DGKI: variants seen among roughly 807,000 people sequenced by gnomAD.
DGKI encodes the protein DAG kinase iota.
In DGKI, 55 loss-of-function variants were observed where a neutral mutation model predicts 147.5. The observed-to-expected ratio is 0.37, with a 90% confidence interval of 0.30 to 0.47. DGKI has a LOEUF of 0.47. DGKI is among the 20% of genes least tolerant of loss of function. The pLI, the probability that DGKI is intolerant of heterozygous loss-of-function variation, is 1.00. For synonymous variants in DGKI, 469 were observed against 477.1 expected (o/e 0.98, Z 0.22); for missense variants, 1,007 against 1,323.8 (o/e 0.76, Z 3.71).
intron 6 of DGKI, among the ~76,000 whole-genome samples, chr7:137,641,756 A>G (rs367608887): frequency 3.9e-5 from 6 of 152,206 alleles, no homozygotes; most frequent in East Asian, 3.8e-4. Flanking sequence ...GATGTTGGAA[A>G]TTTTTAAATT....
intron 20 of DGKI, among the ~76,000 whole-genome samples, chr7:137,541,218 A>G (rs1817691039): frequency 1.3e-5 from 2 of 152,212 alleles, no homozygotes; most frequent in Non-Finnish European, 2.9e-5. Flanking sequence ...AATAGAGTCT[A>G]CACTGGATCT....
intron 1 of DGKI, among the ~76,000 whole-genome samples, chr7:137,776,012 C>T (rs1000365132): frequency 6.6e-6 from 1 of 152,086 alleles, no homozygotes; most frequent in African/African-American, 2.4e-5. Context: ...GCATGTGCCA[C>T]CATGCTTAGC....
chr7:137,696,274 T>C (rs192892929), intron 1 of DGKI, among the ~76,000 whole-genome samples: 1 of 152,240 alleles, frequency 6.6e-6, no homozygotes, highest in Non-Finnish European at 1.5e-5. Context: ...ATCATTCTTC[T>C]TCCCTGCCTA....
At chr7:137,682,090 A>C (rs1252180594) in intron 2 of DGKI, among the ~76,000 whole-genome samples, 1 of 152,198 alleles carries the variant, frequency 6.6e-6, no homozygotes, top group Non-Finnish European at 1.5e-5. Flanking sequence ...TGTGAGTATT[A>C]ACAGCTTTCA....
At chr7:137,705,320 A>T (rs962845793) in intron 1 of DGKI, among the ~76,000 whole-genome samples, 1 of 152,098 alleles carries the variant, frequency 6.6e-6, no homozygotes, top group Non-Finnish European at 1.5e-5. Context: ...AAACAATTCA[A>T]CTGTCCAGCA....
At chr7:137,737,156 A>C (rs1476140867) in intron 1 of DGKI, among the ~76,000 whole-genome samples, 1 of 151,244 alleles carries the variant, frequency 6.6e-6, no homozygotes, top group Non-Finnish European at 1.5e-5. Context: ...CATACTCACT[A>C]AATGGTATTA....
chr7:137,510,413 G>A (rs540042813), intron 21 of DGKI, among the ~76,000 whole-genome samples: 6 of 152,274 alleles, frequency 3.9e-5, no homozygotes, highest in South Asian at 2.1e-4. Flanking sequence ...ATGAATATTC[G>A]TAAAATTCTT....
intron 8 of DGKI, among the ~76,000 whole-genome samples, chr7:137,617,111 G>A (rs1820557879): frequency 9.6e-6 from 1 of 103,954 alleles, no homozygotes; most frequent in Admixed American, 1.5e-4. Flanking sequence ...TACTGCCAGT[G>A]TATCCCTTTT....
intron 6 of DGKI, among the ~76,000 whole-genome samples, chr7:137,629,181 C>T (rs1271446100): frequency 6.6e-6 from 1 of 151,312 alleles, no homozygotes; most frequent in East Asian, 1.9e-4. Context: ...TCTTAAAACA[C>T]AGAACTCCAA....
rs142241741 is a variant in DGKI, at chr7:137,829,272, G to A, written c.401+17190C>T. On this transcript the variant is annotated intron_variant, in intron 1 of 32. Transcript: ENST00000614521. ...GAACATAGGACAGTAAGGATGATGCGGAACACCAAAGAGGACTCTCCCCAC... is the reference window on the plus strand; with the variant it reads ...GAACATAGGACAGTAAGGATGATGCAGAACACCAAAGAGGACTCTCCCCAC... Among the ~76,000 whole-genome samples the A allele has an allele frequency of 4.6e-3, 707 of 152,266 alleles. 5 individuals carry two copies. The highest frequency in any genetic ancestry group is 0.016 in the African/African-American group (672 of 41,572).
chr7:137,635,717 A>G (rs1419013979), intron 6 of DGKI, among the ~76,000 whole-genome samples: 1 of 152,166 alleles, frequency 6.6e-6, no homozygotes, highest in African/African-American at 2.4e-5. Flanking sequence ...ATATCCTATG[A>G]GCACCATCCA....
chr7:137,582,978 T>G (rs1483980107), intron 14 of DGKI, among the ~76,000 whole-genome samples: 1 of 152,136 alleles, frequency 6.6e-6, no homozygotes, highest in East Asian at 1.9e-4. Context: ...GTTTTAACCC[T>G]CAAGATTTCA....
chr7:137,454,113 CAG>C (rs1365203052), intron 27 of DGKI, among the ~76,000 whole-genome samples: 3 of 152,076 alleles, frequency 2.0e-5, no homozygotes, highest in South Asian at 2.1e-4. Context: ...AAAAAATGCA[CAG>C]AGAGTGCATA....
At chr7:137,814,057 A>G (rs985238375) in intron 1 of DGKI, among the ~76,000 whole-genome samples, 1 of 152,190 alleles carries the variant, frequency 6.6e-6, no homozygotes, top group Non-Finnish European at 1.5e-5. Flanking sequence ...GCCTCTATCG[A>G]TCAATGGTTT....
intron 7 of DGKI, among the ~76,000 whole-genome samples, chr7:137,621,642 G>A (rs762337414): frequency 4.4e-4 from 67 of 152,202 alleles, no homozygotes; most frequent in Non-Finnish European, 8.5e-4. Context: ...TACAAGGTGG[G>A]AAACTGGGAA....
chr7:137,697,760 C>G (rs1823840411), intron 1 of DGKI, among the ~76,000 whole-genome samples: 1 of 152,066 alleles, frequency 6.6e-6, no homozygotes, highest in Non-Finnish European at 1.5e-5. Flanking sequence ...TAAAAAGATT[C>G]TGCTTTTATT....
chr7:137,466,807 G>T, intron 25 of DGKI, 95 bp downstream of exon 25: 2 of 1,287,974 alleles, frequency 1.6e-6, no homozygotes, highest in East Asian at 2.3e-5. Context: ...GTGTCTCAGT[G>T]GTTTTCGTTA....
At chr7:137,506,116 A>G (rs543017115) in intron 21 of DGKI, among the ~76,000 whole-genome samples, 20 of 152,308 alleles carry the variant, frequency 1.3e-4, no homozygotes, top group African/African-American at 4.1e-4. Flanking sequence ...TATTTACCCA[A>G]TGGAGTTGAA....
chr7:137,484,255 G>T (rs1021031124), intron 23 of DGKI, among the ~76,000 whole-genome samples: 1 of 152,002 alleles, frequency 6.6e-6, no homozygotes, highest in African/African-American at 2.4e-5. Context: ...TACCTAGAAG[G>T]CTACAAGATA....
Sources: allele counts gnomAD v4.1 joint callset (sites outside exome capture counted in the v4.1 genomes callset), GRCh38; gene constraint gnomAD v4.1.1; transcripts MANE v1.5; gene names NCBI Gene and HGNC (gene_info 2026-07-23, HGNC 2026-07-21).